The following CCAR1 variants were observed in gnomAD, a reference collection of about 807,000 sequenced individuals.
CCAR1 encodes cell division cycle and apoptosis regulator protein 1.
A neutral mutation model predicts 163.8 loss-of-function variants in CCAR1; 78 were observed. The ratio of observed to expected loss-of-function variants is 0.48; its 90% CI spans 0.40 to 0.57. The LOEUF is 0.57. Ranked by LOEUF, CCAR1 falls within the 20% of genes least tolerant of loss-of-function variation. The pLI is 0.00. For missense variants in CCAR1, 1,019 were observed against 1,365.2 expected, an observed-to-expected ratio of 0.75 and a Z score of 4.00; for synonymous variants, 443 against 460.7, an observed-to-expected ratio of 0.96 and a Z score of 0.49.
chr10:68,769,817 T>C (rs1465813506), intron 17 of CCAR1, among the ~76,000 whole-genome samples: 1 of 151,462 alleles, frequency 6.6e-6, no homozygotes, highest in African/African-American at 2.4e-5. Flanking sequence ...GGCAGGCGCT[T>C]GTAGGCCCAG....
At chr10:68,784,882 A>G (rs1418563672) in intron 19 of CCAR1, among the ~76,000 whole-genome samples, 1 of 147,780 alleles carries the variant, frequency 6.8e-6, no homozygotes, top group Non-Finnish European at 1.5e-5. Flanking sequence ...GCATAATGCT[A>G]TTATTGCACA....
chr10:68,771,770 G>A (rs543958603), intron 18 of CCAR1, among the ~76,000 whole-genome samples: 3 of 151,962 alleles, frequency 2.0e-5, no homozygotes, highest in East Asian at 1.9e-4. Context: ...GTGACATAGC[G>A]AGACTCCATC....
chr10:68,721,537 A>T (rs1018088329), intron 1 of CCAR1: 2 of 446,908 alleles, frequency 4.5e-6, no homozygotes, highest in Non-Finnish European at 8.9e-6. Context: ...CAGCCTCGGC[A>T]TGGCGACGCT....
chr10:68,737,432 G>C, intron 3 of CCAR1, among the ~76,000 whole-genome samples: 1 of 151,136 alleles, frequency 6.6e-6, no homozygotes, highest in Non-Finnish European at 1.5e-5. Context: ...AGCATTGGGA[G>C]GTTGAGGCTG....
At chr10:68,725,941 C>T (rs556150012) in intron 2 of CCAR1, among the ~76,000 whole-genome samples, 27 of 151,914 alleles carry the variant, frequency 1.8e-4, no homozygotes, top group South Asian at 4.2e-4. Context: ...TATAACGAAA[C>T]CCCATCTGCA....
chr10:68,784,676 G>C (rs2056775474), intron 19 of CCAR1, among the ~76,000 whole-genome samples: 1 of 152,014 alleles, frequency 6.6e-6, no homozygotes, highest in African/African-American at 2.4e-5. Flanking sequence ...TGCCTCCCAA[G>C]TAGCTGGAAC....
chr10:68,761,033 A>G lies in CCAR1; in HGVS notation c.1947A>G (p.Glu649=), dbSNP rs1350078816. The change falls in exon 16 of 25, where the codon GAA becomes GAG. Residue 649 remains glutamate, a synonymous_variant. Transcript: ENST00000265872. The part of the protein sequence containing the change: ...MKVNDLRKEL[E]SRALSSKGLK... ...TAAATGACCTCCGAAAAGAATTAGA[A>G]AGTCGAGCTCTTAGTTCCAAAGGAT... The G allele has an allele frequency of 2.6e-6, 4 of 1,563,474 alleles. No individual in the cohort carries two copies. The highest frequency in any genetic ancestry group is 1.7e-6 in the Non-Finnish European group (2 of 1,155,882).
At position 68,788,061 on chromosome 10, in the gene CCAR1, T is replaced by C; in HGVS notation, c.3001+14T>C. Reference sequence around the variant, plus strand: ...AAGATATGCTAGGTCTGAGTAATATTAAGATTTTGCTTTTTAATAAATATA... The same window carrying C: ...AAGATATGCTAGGTCTGAGTAATATCAAGATTTTGCTTTTTAATAAATATA... On this transcript the variant is annotated intron_variant, in intron 22 of 24. Transcript: ENST00000265872. 4 of 1,570,612 alleles carry C rather than the reference T, an allele frequency of 2.5e-6. No individual in the cohort carries two copies. Among genetic ancestry groups the C allele is most frequent in the Non-Finnish European group, 3.4e-6 (4 of 1,165,240 alleles).
At position 68,789,859 on chromosome 10, in the gene CCAR1, A is replaced by G. The variant is rs768047307; in HGVS notation, c.3337A>G (p.Lys1113Glu). The G allele has an allele frequency of 6.2e-7, 1 of 1,605,722 alleles. No homozygotes were observed. The highest frequency in any genetic ancestry group is 8.5e-7 in the Non-Finnish European group (1 of 1,177,334). ...MNLQFENQMNKTIRNLSTVMD... is the reference protein window; with the variant it reads ...MNLQFENQMNETIRNLSTVMD... ...TTTACAATTTGAAAACCAAATGAAT[A>G]AGACAATCAGAAACTTATCTACGGT... The change falls in exon 24 of 25, where the codon AAG becomes GAG. Residue 1113 changes from lysine to glutamate, a missense_variant. By Grantham distance (56) the Lys-to-Glu change is moderately conservative (BLOSUM62 1). This residue lies in a region of CCAR1 where 358 missense variants were observed against 406.4 expected (regional missense o/e 0.88). Transcript: ENST00000265872.
Position 68,791,323 on chromosome 10 carries a change from G to A in CCAR1, c.*57G>A. ...AAATAATGTAATATATAAAAATCAT[G>A]ATATAAGAATGTTTGAAGGTGATGC... is the stretch of plus-strand genomic sequence containing the variant. On this transcript the variant is annotated 3_prime_UTR_variant, in exon 25 of 25. Transcript: ENST00000265872. 1 of 1,193,976 alleles carries A rather than the reference G, an allele frequency of 8.4e-7. No individual in the cohort carries two copies. Among genetic ancestry groups the A allele is most frequent in the African/African-American group, 1.5e-5 (1 of 64,588 alleles). The allele number at this position is 1,193,976 out of a possible 1,614,324, so 74.0% of individuals were successfully genotyped here.
chr10:68,760,863 C>CA (rs371972759), intron 15 of CCAR1, 144 bp from the exon 16 acceptor site: 300 of 392,628 alleles, frequency 7.6e-4, no homozygotes, highest in East Asian at 3.0e-3. Context: ...GGCTCTGTTT[C>CA]AAAAAAAACA....
intron 18 of CCAR1, 75 bp downstream of exon 18, chr10:68,771,520 A>G: frequency 7.6e-7 from 1 of 1,316,008 alleles, no homozygotes; most frequent in Non-Finnish European, 1.1e-6. Context: ...GATTTCCATC[A>G]GAATATTAGA....
chr10:68,741,911 G>C (rs1041874489), intron 5 of CCAR1, among the ~76,000 whole-genome samples: 1 of 152,008 alleles, frequency 6.6e-6, no homozygotes, highest in Non-Finnish European at 1.5e-5. Context: ...AACTACAGTT[G>C]GTTAACACGT....
chr10:68,788,422 A>G, intron 23 of CCAR1, 94 bp downstream of exon 23: 1 of 771,288 alleles, frequency 1.3e-6, no homozygotes, highest in African/African-American at 1.8e-5. Flanking sequence ...GTACCTGTGT[A>G]CACATTTGCA....
Position 68,771,394 on chromosome 10 carries a change from G to C in CCAR1, c.2487G>C (p.Arg829=). 6.3e-7 allele frequency: 1 copy of C among 1,591,502 alleles called. No homozygotes were observed. Among genetic ancestry groups the C allele is most frequent in the Non-Finnish European group, 8.6e-7 (1 of 1,169,504 alleles). ...AAACTGATGAACCAAAACCCAAACG[G>C]AGAAAATCAGGCGATGATAAAGATA... ...DDETDEPKPK[R]RKSGDDKDKK... Residue 829 remains arginine (R), a synonymous_variant, in exon 18 of 25, where the codon CGG becomes CGC. Coordinates refer to ENST00000265872, the MANE Select transcript of CCAR1 (RefSeq NM_018237.4).
At position 68,789,821 on chromosome 10, in the gene CCAR1, C is replaced by A; in HGVS notation, c.3299C>A (p.Ser1100Ter). The A allele has an allele frequency of 6.2e-7, 1 of 1,607,648 alleles. No individual in the cohort carries two copies. Among genetic ancestry groups the A allele is most frequent in the Non-Finnish European group, 8.5e-7 (1 of 1,177,104 alleles). ...LSQLQENLKI[S>*]ENMNLQFENQ... ...CAGTTACAAGAAAACTTAAAGATTTCGGAAAACATGAATTTACAATTTGAA... is the reference window on the plus strand; with the variant it reads ...CAGTTACAAGAAAACTTAAAGATTTAGGAAAACATGAATTTACAATTTGAA... Residue 1100 changes from serine (S) to a stop codon, truncating the protein, a stop_gained, in exon 24 of 25, where the codon TCG (serine) becomes TAG (stop). Coordinates refer to ENST00000265872, the MANE Select transcript of CCAR1 (RefSeq NM_018237.4). LOFTEE classifies it high-confidence loss of function.
At chr10:68,764,915 C>CTT (rs1181850398) in intron 16 of CCAR1, among the ~76,000 whole-genome samples, 3 of 152,154 alleles carry the variant, frequency 2.0e-5, no homozygotes, top group Non-Finnish European at 4.4e-5. Flanking sequence ...TTCTCACTCT[C>CTT]TTTTTTAAAA....
intron 5 of CCAR1, among the ~76,000 whole-genome samples, chr10:68,741,520 T>C (rs563489783): frequency 1.4e-4 from 21 of 152,360 alleles, no homozygotes; most frequent in African/African-American, 4.6e-4. Context: ...AGGCTGTCTT[T>C]GGCCCATGGG....
chr10:68,739,410 A>T (rs1026301006), intron 4 of CCAR1, among the ~76,000 whole-genome samples: 1 of 151,982 alleles, frequency 6.6e-6, no homozygotes, highest in Non-Finnish European at 1.5e-5. Context: ...TGGCCTCCCA[A>T]AGTGCTGGGA....
Sources: gnomAD v4.1 joint callset for allele counts (sites outside exome capture counted in the v4.1 genomes callset) on GRCh38, gnomAD v4.1.1 for gene constraint, gnomAD v4.1.1 regional missense constraint, MANE v1.5 for transcripts, NCBI Gene and HGNC (gene_info 2026-07-23, HGNC 2026-07-21) for gene names.